The following ZNF83 variants were observed in gnomAD, a reference collection of about 807,000 sequenced individuals.
ZNF83 encodes zinc finger protein 816B.
For synonymous variants in ZNF83, 209 were observed against 213.0 expected (o/e 0.98, Z 0.17); for missense variants, 552 against 629.9 (o/e 0.88, Z 1.32).
At chr19:52,639,883 A>G (rs916504269), upstream of ZNF83, among the ~76,000 whole-genome samples, 3 of 152,218 alleles carry the variant, frequency 2.0e-5, no homozygotes, top group Non-Finnish European at 4.4e-5. Flanking sequence ...TGGGAAATTG[A>G]GGCAAACAGC....
At chr19:52,634,989 G>A (rs1250016501) in intron 2 of ZNF83, 77 bp downstream of exon 2, 25 of 716,336 alleles carry the variant, frequency 3.5e-5, no homozygotes, top group Non-Finnish European at 5.6e-5. Context: ...TTGAGACCCA[G>A]AGAAGATTCC....
At chr19:52,638,095 T>C (rs1026619603) in intron 1 of ZNF83, among the ~76,000 whole-genome samples, 12 of 152,028 alleles carry the variant, frequency 7.9e-5, no homozygotes, top group Admixed American at 6.6e-4. Context: ...AGGAAGTGTA[T>C]ACATCGCCCT....
intron 2 of ZNF83, among the ~76,000 whole-genome samples, chr19:52,615,941 C>T (rs1022728571): frequency 5.9e-5 from 9 of 152,290 alleles, no homozygotes; most frequent in Non-Finnish European, 1.0e-4. Context: ...CGAGTTCAAG[C>T]GATTCTCCTG....
At chr19:52,689,866 C>A (rs2062116550) in intron 1 of ZNF83, among the ~76,000 whole-genome samples, 1 of 152,216 alleles carries the variant, frequency 6.6e-6, no homozygotes, top group Non-Finnish European at 1.5e-5. Flanking sequence ...GCAAGAACAC[C>A]CCGTGTCACA....
chr19:52,636,108 G>T (rs115412009), intron 1 of ZNF83: 1 of 147,570 alleles, frequency 6.8e-6, no homozygotes, highest in Non-Finnish European at 1.5e-5. Flanking sequence ...ACTAGCCTGG[G>T]AAACACAGTG....
intron 2 of ZNF83, among the ~76,000 whole-genome samples, chr19:52,633,187 C>T (rs141783087): frequency 0.01 from 1,589 of 152,188 alleles, 29 homozygotes; most frequent in African/African-American, 0.037. Flanking sequence ...AAAAGCTCCC[C>T]TACTGGGCAC....
intron 1 of ZNF83, among the ~76,000 whole-genome samples, chr19:52,661,364 C>T (rs11084173): frequency 0.28 from 42,768 of 152,022 alleles, 6,257 homozygotes; most frequent in Middle Eastern, 0.36. Flanking sequence ...TCCACACACA[C>T]GCTGAAGCAG....
intron 2 of ZNF83, among the ~76,000 whole-genome samples, chr19:52,625,932 A>ATCTT (rs2060721485): frequency 6.6e-6 from 1 of 152,082 alleles, no homozygotes. Context: ...ACTTCTTCTC[A>ATCTT]TCTTTTCACT....
At chr19:52,681,303 C>CAAAAAAAAAAAAAAA (rs1189423006) in intron 1 of ZNF83, among the ~76,000 whole-genome samples, 98 of 78,222 alleles carry the variant, frequency 1.3e-3, no homozygotes, top group Non-Finnish European at 1.8e-3. Context: ...AAAAAAAAAG[C>CAAAAAAAAAAAAAAA]AAACGAACAT....
chr19:52,633,508 GGCTCC>G (rs2061043176), intron 2 of ZNF83, among the ~76,000 whole-genome samples: 3 of 152,194 alleles, frequency 2.0e-5, no homozygotes, highest in African/African-American at 7.2e-5. Flanking sequence ...TGACAGTAGC[GGCTCC>G]CCAGTGAGGC....
At chr19:52,631,594 A>G (rs2060962824) in intron 2 of ZNF83, among the ~76,000 whole-genome samples, 1 of 152,178 alleles carries the variant, frequency 6.6e-6, no homozygotes, top group African/African-American at 2.4e-5. Context: ...AAGTCCCACA[A>G]TTACCATTGT....
upstream of ZNF83, among the ~76,000 whole-genome samples, chr19:52,638,952 C>T (rs1049441608): frequency 6.6e-6 from 1 of 152,190 alleles, no homozygotes; most frequent in Non-Finnish European, 1.5e-5. Context: ...AGTAACACCC[C>T]CTCCCGCAGG....
chr19:52,658,423 A>T (rs139318994), intron 2 of ZNF83, among the ~76,000 whole-genome samples: 2 of 152,122 alleles, frequency 1.3e-5, no homozygotes, highest in Non-Finnish European at 2.9e-5. Context: ...ACAATTAGCC[A>T]GGTGTGGTGG....
intron 3 of ZNF83, among the ~76,000 whole-genome samples, chr19:52,647,547 G>A (rs2061388159): frequency 6.6e-6 from 1 of 152,008 alleles, no homozygotes; most frequent in Admixed American, 6.6e-5. Context: ...CTCCTAAAGT[G>A]CTGGGATTAC....
chr19:52,613,188 A>C, exon 3 of ZNF83: 2 of 1,614,158 alleles, frequency 1.2e-6, no homozygotes, highest in Non-Finnish European at 1.7e-6. Flanking sequence ...CACATTCATT[A>C]CATTTGAAAG....
rs747465832 is a variant in ZNF83 at position 52,613,688 on chromosome 19, CATTACATTT to C, written c.868_876del (p.Lys290_Asn292del). 26 of 1,392,440 alleles carry C rather than the reference CATTACATTT, an allele frequency of 1.9e-5. 1 individual carries two copies. In the Middle Eastern group the frequency reaches 3.2e-3, roughly 173 times the overall value. The allele number at this position is 1,392,440 out of a possible 1,614,324, so 86.3% of individuals were successfully genotyped here. A position where few individuals can be genotyped will look rare whatever the true frequency, so the allele number is the denominator to read the frequency against. ...TTGTGACTGAAGACCTTGCCACACT[CATTACATTT>C]GTAAGGTTTCTCTCCAGTGTGGATT... On this transcript the variant is annotated inframe_deletion, in exon 3 of 3. Coordinates refer to ENST00000301096, the Ensembl canonical transcript of ZNF83.
intron 1 of ZNF83, among the ~76,000 whole-genome samples, chr19:52,671,446 C>CT (rs530831766): frequency 1.5e-3 from 222 of 148,318 alleles, no homozygotes; most frequent in African/African-American, 3.5e-3. Flanking sequence ...TCAAGTTGTA[C>CT]TTTTTTTTTT....
intron 1 of ZNF83, among the ~76,000 whole-genome samples, chr19:52,679,025 C>A (rs1568581360): frequency 6.6e-6 from 1 of 151,474 alleles, no homozygotes; most frequent in Non-Finnish European, 1.5e-5. Context: ...CATTCAACCT[C>A]ACAAGCTCCC....
chr19:52,630,026 T>A (rs1035637744), intron 2 of ZNF83, among the ~76,000 whole-genome samples: 1 of 151,916 alleles, frequency 6.6e-6, no homozygotes, highest in Non-Finnish European at 1.5e-5. Flanking sequence ...CTCCAGAACC[T>A]CCTCCCCCAG....
Sources: allele counts gnomAD v4.1 joint callset (sites outside exome capture counted in the v4.1 genomes callset), GRCh38; gene constraint gnomAD v4.1.1; transcripts MANE v1.5; gene names NCBI Gene and HGNC (gene_info 2026-07-23, HGNC 2026-07-21).